PCDH15: variants seen among roughly 807,000 people sequenced by gnomAD.
The protein encoded by PCDH15 is protocadherin related 15.
A neutral mutation model predicts 178.5 loss-of-function variants in PCDH15; 129 were observed. The observed-to-expected ratio is 0.72, with a 90% confidence interval of 0.63 to 0.84. The LOEUF (loss-of-function observed/expected upper bound fraction) is 0.84, where lower values mean the gene tolerates loss of function less well. Among genes scored for constraint, PCDH15 ranks in the 40% least tolerant of loss-of-function variants. The probability of loss-of-function intolerance (pLI) is 0.00; values close to 1 mark genes in which losing one functional copy is unlikely to be tolerated. For synonymous variants in PCDH15, 800 were observed against 732.0 expected (o/e 1.09, Z -1.50); for missense variants, 2,230 against 2,099.9 (o/e 1.06, Z -1.21).
At position 55,599,912 on chromosome 10, in the gene PCDH15, G is replaced by A. The variant is rs1244441058; in HGVS notation, c.-156+27713C>T. The A allele has an allele frequency of 4.6e-6, 7 of 1,523,882 alleles. No individual in the cohort carries two copies. In the African/African-American group the frequency reaches 5.5e-5, roughly 12 times the overall value. 94.4% of individuals were successfully genotyped at this position (1,523,882 alleles called of 1,614,324 possible). On this transcript the variant is annotated intron_variant, in intron 2 of 5. Coordinates refer to the PCDH15 transcript ENST00000613346. ...GGGACTTGTATGAATGGCCACACCA[G>A]GGTTTAGCTGTCTCTTACTTTCAAC... is the stretch of plus-strand genomic sequence containing the variant.
At chr10:55,528,406 G>C (rs1020206329) in intron 2 of PCDH15, among the ~76,000 whole-genome samples, 3 of 151,898 alleles carry the variant, frequency 2.0e-5, no homozygotes, top group African/African-American at 2.4e-5. Flanking sequence ...GCCCCAGTGT[G>C]TGATGTTCCC....
At chr10:54,875,803 GA>G (rs1340395601) in intron 3 of PCDH15, among the ~76,000 whole-genome samples, 2 of 152,170 alleles carry the variant, frequency 1.3e-5, no homozygotes, top group Non-Finnish European at 2.9e-5. Flanking sequence ...GCGGCTTAAA[GA>G]AAGAAACCAT....
At chr10:54,004,505 A>C (rs561579317) in intron 20 of PCDH15, among the ~76,000 whole-genome samples, 1 of 152,062 alleles carries the variant, frequency 6.6e-6, no homozygotes, top group East Asian at 1.9e-4. Context: ...TAGCATTTCT[A>C]TATGCCAACA....
At chr10:54,176,705 T>A (rs533373578) in intron 13 of PCDH15, among the ~76,000 whole-genome samples, 1 of 152,234 alleles carries the variant, frequency 6.6e-6, no homozygotes, top group Non-Finnish European at 1.5e-5. Context: ...AGAATAATCA[T>A]CTGAAACAGT....
chr10:55,201,467 T>C (rs1273611836), intron 1 of PCDH15, among the ~76,000 whole-genome samples: 3 of 152,188 alleles, frequency 2.0e-5, no homozygotes, highest in African/African-American at 7.2e-5. Flanking sequence ...CACCTTAAAT[T>C]ATGTCAATTG....
At chr10:54,228,322 C>G (rs1234168022) in intron 9 of PCDH15, among the ~76,000 whole-genome samples, 1 of 152,118 alleles carries the variant, frequency 6.6e-6, no homozygotes, top group Non-Finnish European at 1.5e-5. Flanking sequence ...AGAGAGAACA[C>G]TTGTGCAGGG....
chr10:54,058,618 C>T (rs1210821110), intron 18 of PCDH15, among the ~76,000 whole-genome samples: 1 of 152,070 alleles, frequency 6.6e-6, no homozygotes, highest in East Asian at 1.9e-4. Flanking sequence ...TCGGTCATAT[C>T]CCCAAACCAT....
At chr10:55,556,119 T>G (rs1842087027) in intron 2 of PCDH15, among the ~76,000 whole-genome samples, 2 of 152,170 alleles carry the variant, frequency 1.3e-5, no homozygotes, top group Admixed American at 6.6e-5. Context: ...TTATTAATTT[T>G]TATTTGTTGT....
chr10:55,565,345 AAGC>A (rs1842280393), intron 2 of PCDH15, among the ~76,000 whole-genome samples: 1 of 151,754 alleles, frequency 6.6e-6, no homozygotes. Flanking sequence ...GACATAGAAA[AAGC>A]AGCGCTAAGA....
At chr10:54,548,599 T>C (rs1447501538) in intron 2 of PCDH15, among the ~76,000 whole-genome samples, 1 of 142,430 alleles carries the variant, frequency 7.0e-6, no homozygotes, top group Non-Finnish European at 1.5e-5. Context: ...TATATTTATA[T>C]TATATATTTA....
At position 54,132,859 on chromosome 10, in the gene PCDH15, A is replaced by C. The variant is rs113431154; in HGVS notation, c.1917+16T>G. 6.2e-7 allele frequency: 1 copy of C among 1,604,010 alleles called. No homozygotes were observed. Among genetic ancestry groups the C allele is most frequent in the South Asian group, 1.1e-5 (1 of 89,604 alleles). On this transcript the variant is annotated intron_variant, in intron 15 of 37. Coordinates refer to ENST00000644397, the MANE Select transcript of PCDH15 (RefSeq NM_001384140.1). ...AATTTATACACACACACACACACAC[A>C]CACCAAGGAACATACCTGTAGATTT...
chr10:54,340,922 C>G (rs1440595796), intron 6 of PCDH15, among the ~76,000 whole-genome samples: 2 of 152,090 alleles, frequency 1.3e-5, no homozygotes, highest in African/African-American at 2.4e-5. Flanking sequence ...AGGTCATATA[C>G]TAGTGAAATT....
intron 1 of PCDH15, among the ~76,000 whole-genome samples, chr10:55,196,129 T>G (rs1047097165): frequency 1.3e-5 from 2 of 152,132 alleles, no homozygotes; most frequent in Non-Finnish European, 2.9e-5. Flanking sequence ...CTACTTTTAC[T>G]TTCTTAATTT....
At chr10:55,507,520 G>T (rs1390744891) in intron 2 of PCDH15, among the ~76,000 whole-genome samples, 1 of 151,250 alleles carries the variant, frequency 6.6e-6, no homozygotes, top group Non-Finnish European at 1.5e-5. Context: ...AGAAACCCAA[G>T]TAACTTGAGT....
chr10:55,073,282 T>G (rs1238384698), intron 2 of PCDH15, among the ~76,000 whole-genome samples: 3 of 151,966 alleles, frequency 2.0e-5, no homozygotes, highest in Non-Finnish European at 4.4e-5. Flanking sequence ...TAAAGGGTAT[T>G]CAATTAGGAA....
intron 1 of PCDH15, among the ~76,000 whole-genome samples, chr10:54,726,669 A>G (rs4935122): frequency 0.12 from 18,424 of 151,398 alleles, 1,250 homozygotes; most frequent in African/African-American, 0.17. Flanking sequence ...GCAAAATGAC[A>G]TAAGAGCTGA....
intron 2 of PCDH15, among the ~76,000 whole-genome samples, chr10:54,936,715 T>C (rs1353596392): frequency 6.8e-6 from 1 of 146,432 alleles, no homozygotes; most frequent in African/African-American, 2.5e-5. Flanking sequence ...ACATTTTTAT[T>C]GTTTTTTTTT....
At chr10:54,739,911 A>T (rs992852869) in intron 1 of PCDH15, among the ~76,000 whole-genome samples, 1 of 152,042 alleles carries the variant, frequency 6.6e-6, no homozygotes. Context: ...TAAACGTAAA[A>T]CCTAAACTAT....
intron 1 of PCDH15, among the ~76,000 whole-genome samples, chr10:55,298,744 C>T (rs1223642612): frequency 2.0e-5 from 3 of 152,024 alleles, no homozygotes; most frequent in African/African-American, 4.8e-5. Flanking sequence ...CCACACCTAA[C>T]GAATTTTTTC....
Sources: gnomAD v4.1 joint callset for allele counts (sites outside exome capture counted in the v4.1 genomes callset) on GRCh38, gnomAD v4.1.1 for gene constraint, MANE v1.5 for transcripts, NCBI Gene and HGNC (gene_info 2026-07-23, HGNC 2026-07-21) for gene names.